ANO3: variants seen among roughly 807,000 people sequenced by gnomAD.
The protein encoded by ANO3 is anoctamin-3.
ANO3 carries 99 observed loss-of-function variants against 144.8 expected under a neutral mutation model. That is an observed-to-expected ratio of 0.68 (90% CI 0.58 to 0.81). The LOEUF is 0.81. Among genes scored for constraint, ANO3 ranks in the 30% least tolerant of loss-of-function variants. The pLI is 0.00. For synonymous variants in ANO3, 414 were observed against 392.6 expected (o/e 1.05, Z -0.64); for missense variants, 905 against 1,202.2 (o/e 0.75, Z 3.66).
intron 3 of ANO3, among the ~76,000 whole-genome samples, chr11:26,453,607 T>A (rs1457015627): frequency 6.6e-6 from 1 of 151,980 alleles, no homozygotes; most frequent in East Asian, 1.9e-4. Flanking sequence ...ACAAAGAGAC[T>A]TAGACTCCCA....
intron 1 of ANO3, among the ~76,000 whole-genome samples, chr11:26,238,554 TTC>T (rs138542057): frequency 0.016 from 2,437 of 152,222 alleles, 68 homozygotes; most frequent in African/African-American, 0.056. Context: ...TATCTATTCA[TTC>T]TGTTTGGATT....
At chr11:26,241,535 C>G (rs1852664179) in intron 1 of ANO3, among the ~76,000 whole-genome samples, 2 of 152,194 alleles carry the variant, frequency 1.3e-5, no homozygotes, top group East Asian at 3.9e-4. Context: ...GGAGCTTTTC[C>G]CATGTATGAT....
In ANO3 at chr11:26,582,460, A is replaced by T. The variant is rs1314366846; in HGVS notation, c.1448-15905A>T. 2.0e-5 allele frequency among the ~76,000 whole-genome samples: 3 copies of T among 152,328 alleles called. No homozygotes were observed. The East Asian group carries it at 5.8e-4, about 29-fold the overall frequency. On this transcript the variant is annotated intron_variant, in intron 14 of 26. Coordinates refer to ENST00000256737, the MANE Select transcript of ANO3 (RefSeq NM_031418.4). ...TGTTCCAGGGACTGACTATACAGGT[A>T]TCTGGTCCTGGTGAAAGTTTCCTGG...
Position 26,421,461 on chromosome 11 carries a change from C to T in ANO3, c.47-20457C>T, listed in dbSNP as rs533303413. On this transcript the variant is annotated intron_variant, in intron 1 of 26. Coordinates refer to ENST00000256737, the MANE Select transcript of ANO3 (RefSeq NM_031418.4). The stretch of plus-strand genomic sequence containing the variant: ...ATAAAATTACATAGCATCCCCAAGA[C>T]ACCACCCACTCTAAGCCCATCAGTT... Among the ~76,000 whole-genome samples the T allele has an allele frequency of 1.1e-3, 163 of 152,098 alleles. 2 individuals carry two copies. The highest frequency in any genetic ancestry group is 1.9e-3 in the Non-Finnish European group (129 of 67,950).
intron 1 of ANO3, among the ~76,000 whole-genome samples, chr11:26,236,200 A>T (rs1852518290): frequency 1.3e-5 from 2 of 152,280 alleles, no homozygotes; most frequent in South Asian, 4.1e-4. Flanking sequence ...TATCTATAAA[A>T]ATAATTTAAT....
At chr11:26,625,394 C>T (rs1389350585) in intron 18 of ANO3, among the ~76,000 whole-genome samples, 2 of 152,120 alleles carry the variant, frequency 1.3e-5, no homozygotes, top group Non-Finnish European at 2.9e-5. Context: ...CCCTGTCCCC[C>T]GACACTCCAT....
intron 3 of ANO3, among the ~76,000 whole-genome samples, chr11:26,450,081 C>A (rs572815590): frequency 7.2e-5 from 11 of 152,120 alleles, no homozygotes; most frequent in Admixed American, 3.3e-4. Flanking sequence ...TAACATCAAT[C>A]TTACTGAAGT....
chr11:26,654,460 C>A (rs541243690), intron 24 of ANO3, among the ~76,000 whole-genome samples: 75 of 152,048 alleles, frequency 4.9e-4, no homozygotes, highest in African/African-American at 1.7e-3. Context: ...GACCTTGTAT[C>A]TATCTAGTGA....
intron 4 of ANO3, chr11:26,474,010 G>A (rs760514443): frequency 6.5e-5 from 64 of 984,908 alleles, no homozygotes; most frequent in Admixed American, 2.5e-4. Context: ...AAAAGCAGGC[G>A]GTGAAAGGGA....
chr11:26,264,373 C>T (rs1397130565), intron 1 of ANO3, among the ~76,000 whole-genome samples: 1 of 152,116 alleles, frequency 6.6e-6, no homozygotes, highest in Non-Finnish European at 1.5e-5. Flanking sequence ...CAGATAATCC[C>T]TGAAAGAAGT....
chr11:26,335,566 C>T (rs551018969), intron 1 of ANO3, among the ~76,000 whole-genome samples: 1 of 152,130 alleles, frequency 6.6e-6, no homozygotes, highest in East Asian at 1.9e-4. Context: ...CAAAAAATTC[C>T]CATAGAAATT....
intron 1 of ANO3, among the ~76,000 whole-genome samples, chr11:26,198,490 A>T (rs1469569095): frequency 6.6e-6 from 1 of 152,192 alleles, no homozygotes; most frequent in Admixed American, 6.5e-5. Context: ...AGAATAGATA[A>T]ATATGGTCCA....
intron 1 of ANO3, among the ~76,000 whole-genome samples, chr11:26,339,223 C>T (rs967535004): frequency 8.6e-5 from 13 of 151,362 alleles, no homozygotes; most frequent in Admixed American, 4.6e-4. Context: ...GGCACGATCT[C>T]GGCTCACTGA....
Position 26,563,206 on chromosome 11 carries a change from A to G in ANO3, c.1447+3427A>G, listed in dbSNP as rs374721856. On this transcript the variant is annotated intron_variant, in intron 14 of 26. Coordinates refer to ENST00000256737, the MANE Select transcript of ANO3 (RefSeq NM_031418.4). ...AACAAGTAGCCCACAAGAGTAAGCA[A>G]TGAGACACCCAGAATAGCACCTAAA... 2.0e-5 allele frequency: 32 copies of G among 1,612,430 alleles called. No homozygotes were observed. In the African/African-American group the frequency reaches 3.1e-4, roughly 15 times the overall value.
chr11:26,656,183 A>G lies in ANO3; in HGVS notation c.2635A>G (p.Met879Val), dbSNP rs927716706. ...LSFFDLSELG[M>V]GKSGYCRYRD... ...CTTCTTTGACCTGAGTGAGCTTGGT[A>G]TGGGAAAATCTGGTTATTGCAGGTA... Residue 879 changes from methionine (M) to valine (V), a missense_variant, in exon 25 of 27, where the codon ATG (methionine) becomes GTG (valine). This residue lies in a region of ANO3 where 597 missense variants were observed against 865.1 expected (regional missense o/e 0.69). Coordinates refer to ENST00000256737, the MANE Select transcript of ANO3 (RefSeq NM_031418.4). The G allele has an allele frequency of 1.2e-6, 2 of 1,613,646 alleles. No individual in the cohort carries two copies.
At chr11:26,268,684 A>T (rs2133834151) in intron 1 of ANO3, among the ~76,000 whole-genome samples, 1 of 152,296 alleles carries the variant, frequency 6.6e-6, no homozygotes, top group Middle Eastern at 3.4e-3. Flanking sequence ...CTCTGATATC[A>T]GCCGAAGAAG....
intron 1 of ANO3, among the ~76,000 whole-genome samples, chr11:26,294,894 GTATTTATT>G (rs759756214): frequency 6.6e-6 from 1 of 151,580 alleles, no homozygotes; most frequent in Admixed American, 6.6e-5. Context: ...TTTTTTAAAT[GTATTTATT>G]TATTTATTTA....
At chr11:26,189,189 A>G in exon 1 of ANO3, 2 of 985,216 alleles carry the variant, frequency 2.0e-6, no homozygotes, top group African/African-American at 3.5e-5. Context: ...GTCAGTTTTA[A>G]AATTTGAACT....
intron 1 of ANO3, among the ~76,000 whole-genome samples, chr11:26,357,817 T>G (rs1033018920): frequency 6.6e-6 from 1 of 152,224 alleles, no homozygotes; most frequent in Non-Finnish European, 1.5e-5. Context: ...CATCATTTTA[T>G]GTAGGTATTG....
Sources: gnomAD v4.1 joint callset for allele counts (sites outside exome capture counted in the v4.1 genomes callset) on GRCh38, gnomAD v4.1.1 for gene constraint, gnomAD v4.1.1 regional missense constraint, MANE v1.5 for transcripts, NCBI Gene and HGNC (gene_info 2026-07-23, HGNC 2026-07-21) for gene names.